The following NEK1 variants were observed in gnomAD, a reference collection of about 807,000 sequenced individuals.
The protein encoded by NEK1 is NIMA related kinase 1.
NEK1 carries 137 observed loss-of-function variants against 182.1 expected under a neutral mutation model. The ratio of observed to expected loss-of-function variants is 0.75; its 90% CI spans 0.65 to 0.87. NEK1 has a LOEUF of 0.87. Ranked by LOEUF, NEK1 falls within the 40% of genes least tolerant of loss-of-function variation. The pLI, the probability that NEK1 is intolerant of heterozygous loss-of-function variation, is 0.00. For missense variants in NEK1, 1,391 were observed against 1,494.4 expected (o/e 0.93, Z 1.14); for synonymous variants, 513 against 492.2 (o/e 1.04, Z -0.56).
chr4:169,406,699 G>C lies in NEK1; in HGVS notation c.3271C>G (p.Leu1091Val), dbSNP rs748897478. 1 of 1,610,424 alleles carries C rather than the reference G, an allele frequency of 6.2e-7. No individual in the cohort carries two copies. The highest frequency in any genetic ancestry group is 1.7e-5 in the Admixed American group (1 of 59,576). ...LPDLSKLFRT[L>V]MDVPTVGDVR... ...TCTCCTACGGTGGGAACATCCATAA[G>C]GGTTCTGAACAGCTTTGAGAGATCT... The change falls in exon 32 of 36, where the codon CTT becomes GTT. Residue 1091 changes from leucine to valine, a missense_variant. By Grantham distance (32) the Leu-to-Val change is conservative (BLOSUM62 1). This residue lies in a region of NEK1 where 1,216 missense variants were observed against 1,277.6 expected (regional missense o/e 0.95). Transcript: ENST00000507142.
chr4:169,436,566 T>A (rs149242717), intron 28 of NEK1, among the ~76,000 whole-genome samples: 70 of 152,306 alleles, frequency 4.6e-4, no homozygotes, highest in African/African-American at 1.4e-3. Flanking sequence ...TAACTTCTGA[T>A]AAAGAACAAG....
In NEK1 at chr4:169,602,603, T is replaced by A. The variant is rs34214559; in HGVS notation, c.28A>T (p.Ile10Phe). 2.5e-6 allele frequency: 4 copies of A among 1,603,146 alleles called. No individual in the cohort carries two copies. The highest frequency in any genetic ancestry group is 3.4e-6 in the Non-Finnish European group (4 of 1,170,556). Residue 10 changes from isoleucine to phenylalanine, a missense_variant, in exon 3 of 36, where the codon ATT (isoleucine) becomes TTT (phenylalanine). Coordinates refer to ENST00000507142, the MANE Select transcript of NEK1 (RefSeq NM_001199397.3). MEKYVRLQK[I>F]GEGSFGKAIL... ...GCTTTTCCAAATGAACCTTCTCCAATCTTCTGTAGTCTAACATACTTCTCC... is the reference window on the plus strand; with the variant it reads ...GCTTTTCCAAATGAACCTTCTCCAAACTTCTGTAGTCTAACATACTTCTCC...
At chr4:169,440,092 C>T (rs1390484947) in intron 27 of NEK1, among the ~76,000 whole-genome samples, 1 of 151,552 alleles carries the variant, frequency 6.6e-6, no homozygotes, top group Non-Finnish European at 1.5e-5. Context: ...AAATGACCTG[C>T]CTCAGCCTCC....
At chr4:169,592,673 T>C (rs1768725431) in intron 5 of NEK1, among the ~76,000 whole-genome samples, 1 of 140,026 alleles carries the variant, frequency 7.1e-6, no homozygotes, top group African/African-American at 2.6e-5. Flanking sequence ...ATCTCTTCAG[T>C]ATTTTTTTAA....
At position 169,434,145 on chromosome 4, in the gene NEK1, G is replaced by C. The variant is rs534091366; in HGVS notation, c.2765-480C>G. 1.3e-3 allele frequency among the ~76,000 whole-genome samples: 200 copies of C among 148,780 alleles called. 1 individual carries two copies. Among genetic ancestry groups the C allele is most frequent in the Middle Eastern group, 3.7e-3 (1 of 270 alleles). On this transcript the variant is annotated intron_variant, in intron 28 of 35. Transcript: ENST00000507142. ...AAACTATTACCAGGACTTTCACAAT[G>C]ATATTGAGAACATAATTGAATGGCA...
intron 27 of NEK1, among the ~76,000 whole-genome samples, chr4:169,462,191 A>T (rs144314310): frequency 6.6e-6 from 1 of 152,114 alleles, no homozygotes; most frequent in Non-Finnish European, 1.5e-5. Flanking sequence ...AGAGTTTTGC[A>T]CTGCAGAGTA....
chr4:169,609,498 T>C (rs886203510), intron 2 of NEK1, among the ~76,000 whole-genome samples: 1 of 152,320 alleles, frequency 6.6e-6, no homozygotes, highest in South Asian at 2.1e-4. Flanking sequence ...TAATACACTG[T>C]TAGATTTTTA....
chr4:169,472,515 T>G (rs960144911), intron 26 of NEK1, among the ~76,000 whole-genome samples: 1 of 152,210 alleles, frequency 6.6e-6, no homozygotes, highest in Admixed American at 6.5e-5. Flanking sequence ...TAGTTGGAAA[T>G]GCAGAAATCA....
At position 169,590,785 on chromosome 4, in the gene NEK1, A is replaced by G. The variant is rs756261702; in HGVS notation, c.337T>C (p.Cys113Arg). The G allele has an allele frequency of 3.8e-6, 6 of 1,598,282 alleles. No homozygotes were observed. The highest frequency in any genetic ancestry group is 1.1e-5 in the South Asian group (1 of 88,118). Residue 113 changes from cysteine to arginine, a missense_variant, in exon 6 of 36, where the codon TGT becomes CGT. Around this residue, in one of 5 missense-constraint regions of NEK1, gnomAD observed 116 missense variants for 114.5 expected, o/e 1.01. Coordinates refer to ENST00000507142, the MANE Select transcript of NEK1 (RefSeq NM_001199397.3). ...DQILDWFVQI[C>R]LALKHVHDRK... is the part of the protein sequence containing the mutation. ...TCATGTACATGTTTCAGGGCCAAAC[A>G]TATCTGTACAAACCAGTCCAAAATC...
intron 29 of NEK1, among the ~76,000 whole-genome samples, chr4:169,426,701 T>C (rs772499563): frequency 1.3e-5 from 2 of 152,192 alleles, no homozygotes; most frequent in Non-Finnish European, 2.9e-5. Context: ...ACAATTACAA[T>C]ATATTAATAC....
intron 4 of NEK1, among the ~76,000 whole-genome samples, chr4:169,599,523 G>A (rs1422586463): frequency 6.6e-6 from 1 of 152,092 alleles, no homozygotes; most frequent in Non-Finnish European, 1.5e-5. Context: ...TTCCTTAAAT[G>A]TCACACATAA....
chr4:169,570,106 C>T (rs1764466111), intron 12 of NEK1, among the ~76,000 whole-genome samples: 2 of 151,546 alleles, frequency 1.3e-5, no homozygotes, highest in Admixed American at 6.6e-5. Flanking sequence ...TGCCTGGCCG[C>T]CCATCGTCTG....
At chr4:169,580,471 TG>T (rs1336497223) in intron 11 of NEK1, among the ~76,000 whole-genome samples, 8 of 122,304 alleles carry the variant, frequency 6.5e-5, no homozygotes, top group African/African-American at 2.6e-4. Context: ...CGCTCCAGCC[TG>T]GGCAAGAGCG....
intron 29 of NEK1, among the ~76,000 whole-genome samples, chr4:169,432,073 G>A (rs73864614): frequency 0.013 from 2,007 of 151,670 alleles, 40 homozygotes; most frequent in African/African-American, 0.046. Flanking sequence ...AAAAAAAAAG[G>A]GGGGGACCAA....
rs1306393474 is a variant in NEK1 at position 169,528,562 on chromosome 4, T to C, written c.1665+9247A>G. Among the ~76,000 whole-genome samples the C allele has an allele frequency of 2.0e-5, 3 of 152,186 alleles. No homozygotes were observed. The East Asian group carries it at 5.8e-4, about 29-fold the overall frequency. On this transcript the variant is annotated intron_variant, in intron 19 of 35. Coordinates refer to ENST00000507142, the MANE Select transcript of NEK1 (RefSeq NM_001199397.3). ...AGGTAGAAGATATAGCTAAGCTGTG[T>C]CCAGACTCCTAATCCACAGAAACTG...
Position 169,551,864 on chromosome 4 carries a change from A to G in NEK1, c.1562+3856T>C, listed in dbSNP as rs953281074. 2.6e-5 allele frequency among the ~76,000 whole-genome samples: 4 copies of G among 152,106 alleles called. No homozygotes were observed. In the South Asian group the frequency reaches 8.3e-4, roughly 32 times the overall value. ...TTTACTGAGCAAAAAGGAGAGAAAAAGGAGGTATGAACAGGTGACTGAGAA... is the reference window on the plus strand; with the variant it reads ...TTTACTGAGCAAAAAGGAGAGAAAAGGGAGGTATGAACAGGTGACTGAGAA... On this transcript the variant is annotated intron_variant, in intron 18 of 35. Coordinates refer to ENST00000507142, the MANE Select transcript of NEK1 (RefSeq NM_001199397.3).
Position 169,612,231 on chromosome 4 carries a change from G to C in NEK1, c.-182C>G, listed in dbSNP as rs889555167. 6.6e-6 allele frequency: 1 copy of C among 152,322 alleles called. No homozygotes were observed. Among genetic ancestry groups the C allele is most frequent in the Non-Finnish European group, 1.5e-5 (1 of 68,134 alleles). 9.4% of individuals were successfully genotyped at this position (152,322 alleles called of 1,614,324 possible). ...CTGAGACTCTCCACACCTGACACTC[G>C]TCTTCAGTTGATACCACGGGTTTGA... On this transcript the variant is annotated 5_prime_UTR_variant, in exon 1 of 36. Coordinates refer to ENST00000507142, the MANE Select transcript of NEK1 (RefSeq NM_001199397.3).
intron 35 of NEK1, among the ~76,000 whole-genome samples, chr4:169,397,042 C>T (rs1006274469): frequency 1.3e-5 from 2 of 151,980 alleles, no homozygotes; most frequent in African/African-American, 4.8e-5. Context: ...ATCAACATGG[C>T]GAAATGCCAT....
intron 7 of NEK1, among the ~76,000 whole-genome samples, 166 bp from the exon 8 acceptor site, chr4:169,588,901 T>C (rs1767967498): frequency 6.6e-6 from 1 of 152,120 alleles, no homozygotes; most frequent in Non-Finnish European, 1.5e-5. Flanking sequence ...ACATACACTG[T>C]AGAGCAATTA....
Sources: gnomAD v4.1 joint callset for allele counts (sites outside exome capture counted in the v4.1 genomes callset) on GRCh38, gnomAD v4.1.1 for gene constraint, gnomAD v4.1.1 regional missense constraint, MANE v1.5 for transcripts, NCBI Gene and HGNC (gene_info 2026-07-23, HGNC 2026-07-21) for gene names.